The following CPED1 variants were observed in gnomAD, a reference collection of about 807,000 sequenced individuals.
The protein encoded by CPED1 is cadherin-like and PC-esterase domain-containing protein 1.
CPED1 carries 114 observed loss-of-function variants against 128.2 expected under a neutral mutation model. The observed-to-expected ratio is 0.89, with a 90% CI of 0.76 to 1.04. CPED1 has a LOEUF of 1.04. CPED1 is among the 50% of genes least tolerant of loss of function. CPED1 has a pLI of 0.00. For missense variants in CPED1, 1,211 were observed against 1,207.1 expected (o/e 1.00, Z -0.05); for synonymous variants, 462 against 426.7 (o/e 1.08, Z -1.02).
intron 5 of CPED1, among the ~76,000 whole-genome samples, chr7:121,091,252 G>A (rs1199107634): frequency 2.0e-5 from 3 of 152,132 alleles, no homozygotes; most frequent in African/African-American, 7.2e-5. Context: ...TTCCTTTAAA[G>A]AAGTGAAACA....
chr7:121,207,509 C>A (rs1441316652), intron 16 of CPED1, among the ~76,000 whole-genome samples: 3 of 151,984 alleles, frequency 2.0e-5, no homozygotes, highest in Non-Finnish European at 4.4e-5. Context: ...GCTATTGATT[C>A]TTCTTTCCAA....
chr7:121,105,309 T>G (rs1211424369), intron 7 of CPED1, among the ~76,000 whole-genome samples: 3 of 152,148 alleles, frequency 2.0e-5, no homozygotes, highest in Non-Finnish European at 4.4e-5. Flanking sequence ...TGGGTGAGAT[T>G]GCTTATATAT....
intron 16 of CPED1, among the ~76,000 whole-genome samples, chr7:121,159,577 T>G (rs1425796713): frequency 1.3e-5 from 2 of 152,212 alleles, no homozygotes; most frequent in Non-Finnish European, 2.9e-5. Flanking sequence ...TACCTCTTAT[T>G]GTTACCAAAA....
chr7:121,270,285 G>A (rs1303337820), intron 21 of CPED1, among the ~76,000 whole-genome samples: 3 of 151,984 alleles, frequency 2.0e-5, no homozygotes, highest in African/African-American at 7.2e-5. Flanking sequence ...CTAGATATTT[G>A]AACTTTGTCA....
Position 121,181,561 on chromosome 7 carries a change from A to C in CPED1, c.2055+39420A>C, listed in dbSNP as rs566997779. ...TTTAAAAAATTTATATGTCAGCAAG[A>C]TACCATAAAAATTCCTCTTTAATTT... On this transcript the variant is annotated intron_variant, in intron 16 of 22. Coordinates refer to ENST00000310396, the MANE Select transcript of CPED1 (RefSeq NM_024913.5). 2.0e-5 allele frequency among the ~76,000 whole-genome samples: 3 copies of C among 152,284 alleles called. No homozygotes were observed. The South Asian group carries it at 6.2e-4, about 32-fold the overall frequency.
intron 18 of CPED1, among the ~76,000 whole-genome samples, chr7:121,262,738 T>A (rs1792046053): frequency 6.6e-6 from 1 of 152,070 alleles, no homozygotes; most frequent in Admixed American, 6.6e-5. Context: ...ATTTCCTTTT[T>A]AAAAATCTAC....
chr7:121,046,274 C>T (rs1793191591), intron 3 of CPED1, among the ~76,000 whole-genome samples: 1 of 152,094 alleles, frequency 6.6e-6, no homozygotes, highest in African/African-American at 2.4e-5. Flanking sequence ...TTGAACTGAA[C>T]TCTGCTATGT....
intron 22 of CPED1, among the ~76,000 whole-genome samples, chr7:121,286,040 G>A (rs1278499226): frequency 6.6e-6 from 1 of 152,176 alleles, no homozygotes; most frequent in Non-Finnish European, 1.5e-5. Flanking sequence ...CATGGCTGCG[G>A]AAGCCTCGGG....
chr7:121,069,258 C>T (rs1240466920), intron 5 of CPED1, among the ~76,000 whole-genome samples: 10 of 152,084 alleles, frequency 6.6e-5, no homozygotes, highest in East Asian at 5.8e-4. Context: ...GCTTAGTTAT[C>T]GTATAATTCT....
chr7:121,068,325 CT>C (rs1461118447), intron 5 of CPED1, among the ~76,000 whole-genome samples: 9 of 152,170 alleles, frequency 5.9e-5, no homozygotes, highest in Non-Finnish European at 1.3e-4. Context: ...TTTCAGCTTT[CT>C]ACATATGGCT....
chr7:121,107,750 G>C (rs1242504447), intron 7 of CPED1, among the ~76,000 whole-genome samples: 2 of 152,072 alleles, frequency 1.3e-5, no homozygotes, highest in Non-Finnish European at 2.9e-5. Context: ...GTTTTTACCA[G>C]TACGTTTTGA....
rs1216157705 is a variant in CPED1, at chr7:121,120,988, CAAAA to C, written c.919-3339_919-3336del. Among the ~76,000 whole-genome samples the C allele has an allele frequency of 2.4e-3, 290 of 120,994 alleles. 2 individuals carry two copies. The highest frequency in any genetic ancestry group is 9.2e-3 in the African/African-American group (277 of 29,986). The allele number at this position is 120,994 out of a possible 152,430, so 79.4% of individuals were successfully genotyped here. Reference sequence around the variant, plus strand: ...ACCTAAAAAAAAAAAAAAAAAAAAACAAAAAAACTCACAGTCTAGCAGAAAGAGC... The same window carrying C: ...ACCTAAAAAAAAAAAAAAAAAAAAACAAACTCACAGTCTAGCAGAAAGAGC... On this transcript the variant is annotated intron_variant, in intron 7 of 22. Coordinates refer to ENST00000310396, the MANE Select transcript of CPED1 (RefSeq NM_024913.5).
chr7:121,068,430 T>G (rs1317741208), intron 5 of CPED1, among the ~76,000 whole-genome samples: 1 of 152,010 alleles, frequency 6.6e-6, no homozygotes, highest in Non-Finnish European at 1.5e-5. Flanking sequence ...GTTGTAGATA[T>G]GTGGCATTAT....
At chr7:120,996,382 A>G (rs1172448927) in intron 2 of CPED1, among the ~76,000 whole-genome samples, 1 of 152,232 alleles carries the variant, frequency 6.6e-6, no homozygotes, top group East Asian at 1.9e-4. Context: ...TTGTGAGTAT[A>G]CAGTTAAGTA....
chr7:121,130,117 G>T lies in CPED1; in HGVS notation c.1408-8G>T, dbSNP rs965726737. 6.2e-7 allele frequency: 1 copy of T among 1,606,200 alleles called. No homozygotes were observed. Among genetic ancestry groups the T allele is most frequent in the African/African-American group, 1.3e-5 (1 of 74,672 alleles). On this transcript the variant is annotated splice_region_variant and splice_polypyrimidine_tract_variant and intron_variant, in intron 11 of 22. Coordinates refer to ENST00000310396, the MANE Select transcript of CPED1 (RefSeq NM_024913.5). Reference sequence around the variant, plus strand: ...TCCATAACTTATACTGATATTTTGTGTTCTCAGCTCTTCCCATCTACTACT... The same window carrying T: ...TCCATAACTTATACTGATATTTTGTTTTCTCAGCTCTTCCCATCTACTACT...
chr7:121,092,253 A>G (rs150080854), intron 5 of CPED1, among the ~76,000 whole-genome samples: 42 of 152,286 alleles, frequency 2.8e-4, no homozygotes, highest in African/African-American at 9.9e-4. Context: ...GAGAAAACCA[A>G]TCCCCACCCA....
At chr7:121,046,864 T>A in intron 3 of CPED1, 23 bp from the exon 4 acceptor site, 23 of 1,475,684 alleles carry the variant, frequency 1.6e-5, no homozygotes, top group Non-Finnish European at 2.2e-5. Context: ...ACTTATTTGT[T>A]TTGAATATTC....
rs762952664 is a variant in CPED1, at chr7:121,236,796, C to T, written c.2138C>T (p.Ser713Phe). 45 of 1,606,704 alleles carry T rather than the reference C, an allele frequency of 2.8e-5. No homozygotes were observed. The highest frequency in any genetic ancestry group is 5.4e-5 in the African/African-American group (4 of 74,704). Residue 713 changes from serine (S) to phenylalanine (F), a missense_variant, in exon 17 of 23, where the codon TCT (serine) becomes TTT (phenylalanine). By Grantham distance (155) the Ser-to-Phe change is radical. Coordinates refer to ENST00000310396, the MANE Select transcript of CPED1 (RefSeq NM_024913.5). ...SSDYIEAILQ[S>F]ELKRCPSGDM... The stretch of plus-strand genomic sequence containing the variant: ...GACTACATTGAAGCCATTTTACAGT[C>T]TGAACTAAAAAGATGTCCATCTGGG...
intron 22 of CPED1, among the ~76,000 whole-genome samples, chr7:121,286,078 G>A (rs932304411): frequency 3.3e-5 from 5 of 152,206 alleles, no homozygotes; most frequent in Admixed American, 2.0e-4. Context: ...TGGAAAAGAA[G>A]CAAACACGTC....
Sources: allele counts gnomAD v4.1 joint callset (sites outside exome capture counted in the v4.1 genomes callset), GRCh38; gene constraint gnomAD v4.1.1; transcripts MANE v1.5; gene names NCBI Gene and HGNC (gene_info 2026-07-23, HGNC 2026-07-21).